Variants in RUNX3 observed in about 807,000 individuals in gnomAD.
RUNX3 encodes the protein runt-related transcription factor 3.
In RUNX3, 10 loss-of-function variants were observed where a neutral mutation model predicts 27.7. The observed-to-expected ratio is 0.36, with a 90% CI of 0.22 to 0.61. The LOEUF is 0.61. Ranked by LOEUF, RUNX3 falls within the 20% of genes least tolerant of loss-of-function variation. The pLI, the probability that RUNX3 is intolerant of heterozygous loss-of-function variation, is 0.72. For synonymous variants in RUNX3, 270 were observed against 269.2 expected (o/e 1.00, Z -0.03); for missense variants, 469 against 629.5 (o/e 0.75, Z 2.73).
upstream of RUNX3, among the ~76,000 whole-genome samples, chr1:24,934,888 A>T (rs1351350629): frequency 6.6e-6 from 1 of 152,134 alleles, no homozygotes; most frequent in East Asian, 1.9e-4. Flanking sequence ...CTGGGCTTGG[A>T]AATCAGTAAA....
At chr1:24,926,909 C>G (rs1450160668) in intron 2 of RUNX3, among the ~76,000 whole-genome samples, 1 of 152,118 alleles carries the variant, frequency 6.6e-6, no homozygotes, top group Non-Finnish European at 1.5e-5. Context: ...GTCCCAGAAG[C>G]CTCCCATTCA....
intron 2 of RUNX3, among the ~76,000 whole-genome samples, chr1:24,953,358 C>T (rs1343243600): frequency 3.4e-5 from 3 of 87,376 alleles, no homozygotes; most frequent in South Asian, 4.9e-4. Flanking sequence ...AGCCAGACTC[C>T]GTCTGAAAAA....
chr1:24,960,897 G>A (rs1642093162), intron 2 of RUNX3, among the ~76,000 whole-genome samples: 1 of 152,140 alleles, frequency 6.6e-6, no homozygotes, highest in Admixed American at 6.5e-5. Flanking sequence ...TGTCACACAG[G>A]GAGAATAAAT....
At chr1:24,938,304 A>C (rs1265657889) in intron 2 of RUNX3, among the ~76,000 whole-genome samples, 1 of 152,164 alleles carries the variant, frequency 6.6e-6, no homozygotes, top group Non-Finnish European at 1.5e-5. Flanking sequence ...AACATTCTAG[A>C]ATTCCATATT....
At chr1:24,936,458 A>C (rs1163203433) in intron 2 of RUNX3, among the ~76,000 whole-genome samples, 2 of 152,226 alleles carry the variant, frequency 1.3e-5, no homozygotes, top group Non-Finnish European at 2.9e-5. Flanking sequence ...GAATAGAATT[A>C]GAATCCTGGC....
At chr1:24,944,431 T>C (rs1301280432) in intron 2 of RUNX3, among the ~76,000 whole-genome samples, 1 of 152,162 alleles carries the variant, frequency 6.6e-6, no homozygotes, top group East Asian at 1.9e-4. Flanking sequence ...CCTTCTCTGG[T>C]CTCCTGTGGT....
chr1:24,960,123 C>T lies in RUNX3; in HGVS notation c.58+4391G>A, dbSNP rs561571709. On this transcript the variant is annotated intron_variant, in intron 2 of 6. Coordinates refer to the RUNX3 transcript ENST00000338888. ...TTCTTCTCCCAAAAAACCTTTGTCA[C>T]GCCCCAGGGCAATTTTCTGTTGACC... 4.9e-4 allele frequency among the ~76,000 whole-genome samples: 75 copies of T among 152,368 alleles called. 1 individual carries two copies. Among genetic ancestry groups the T allele is most frequent in the South Asian group, 1.7e-3 (8 of 4,834 alleles).
Position 24,927,283 on chromosome 1 carries a change from T to C in RUNX3, c.439+291A>G, listed in dbSNP as rs959703074. On this transcript the variant is annotated intron_variant, in intron 2 of 4. Transcript: ENST00000308873. This position sits in a 1 kb window ranked among gnomAD's most constrained non-coding sequence, Gnocchi z 5.0. ...ATCCACCATCTCCTGCCAGCATTTT[T>C]TGTGAGACCAGGTGTGCTTAACCGG... 6.6e-6 allele frequency among the ~76,000 whole-genome samples: 1 copy of C among 152,174 alleles called. No homozygotes were observed. The highest frequency in any genetic ancestry group is 2.4e-5 in the African/African-American group (1 of 41,434).
chr1:24,908,233 T>TGATCTAAACCTCTAC (rs1640720619), intron 3 of RUNX3, among the ~76,000 whole-genome samples: 1 of 72,518 alleles, frequency 1.4e-5, no homozygotes, highest in Non-Finnish European at 2.9e-5. Flanking sequence ...TGAACCTCTA[T>TGATCTAAACCTCTAC]GACACGCGGT....
At chr1:24,941,499 A>G (rs1054314127) in intron 2 of RUNX3, among the ~76,000 whole-genome samples, 1 of 152,236 alleles carries the variant, frequency 6.6e-6, no homozygotes, top group Non-Finnish European at 1.5e-5. Flanking sequence ...CAGTAGGACA[A>G]CGGAGGCATA....
intron 2 of RUNX3, among the ~76,000 whole-genome samples, chr1:24,957,273 G>A (rs1046406687): frequency 5.9e-5 from 9 of 152,224 alleles, no homozygotes; most frequent in African/African-American, 2.2e-4. Context: ...AGACAGTGAA[G>A]GGGGAAGTGA....
chr1:24,905,685 G>C (rs1470872599), intron 4 of RUNX3, among the ~76,000 whole-genome samples: 1 of 152,244 alleles, frequency 6.6e-6, no homozygotes, highest in Non-Finnish European at 1.5e-5. Context: ...ATGGGGGCTG[G>C]TGGACAGGAA....
At chr1:24,939,746 T>C (rs1329929422) in intron 2 of RUNX3, among the ~76,000 whole-genome samples, 2 of 152,234 alleles carry the variant, frequency 1.3e-5, no homozygotes, top group African/African-American at 2.4e-5. Context: ...CGCTCCCTCA[T>C]TGTTCGATGG....
chr1:24,930,006 A>T lies in RUNX3; in HGVS notation c.-138T>A. 8 of 1,107,740 alleles carry T rather than the reference A, an allele frequency of 7.2e-6. No individual in the cohort carries two copies. Among genetic ancestry groups the T allele is most frequent in the East Asian group, 5.0e-5 (1 of 20,064 alleles). 68.6% of individuals were successfully genotyped at this position (1,107,740 alleles called of 1,614,324 possible). On this transcript the variant is annotated 5_prime_UTR_variant, in exon 1 of 5. Coordinates refer to ENST00000308873, the MANE Select transcript of RUNX3 (RefSeq NM_004350.3). The surrounding 1 kb of genome is among the most constrained non-coding windows in gnomAD (Gnocchi z 4.1). Reference sequence around the variant, plus strand: ...CGGCGGGGCCCGGGCCTCAGGGCGCAGGGGGCGGCGCCCGGCCACTACTCG... The same window carrying T: ...CGGCGGGGCCCGGGCCTCAGGGCGCTGGGGGCGGCGCCCGGCCACTACTCG...
At chr1:24,912,327 T>C (rs568278001) in intron 3 of RUNX3, among the ~76,000 whole-genome samples, 193 of 152,330 alleles carry the variant, frequency 1.3e-3, no homozygotes, top group African/African-American at 4.4e-3. Context: ...GCAGGGCTGC[T>C]GGCCCCAGGG....
intron 1 of RUNX3, among the ~76,000 whole-genome samples, chr1:24,928,150 G>A (rs1641135966): frequency 6.6e-6 from 1 of 152,198 alleles, no homozygotes; most frequent in Non-Finnish European, 1.5e-5. Context: ...AATAACAACA[G>A]GGCTGCTACC....
chr1:24,919,190 C>G (rs768239216), intron 3 of RUNX3, 50 bp downstream of exon 3: 2 of 1,216,602 alleles, frequency 1.6e-6, no homozygotes, highest in Admixed American at 2.1e-5. Context: ...CCTTCCCGCA[C>G]TGGACCCTCC....
Position 24,952,566 on chromosome 1 carries a change from T to C in RUNX3, c.58+11948A>G, listed in dbSNP as rs548689478. Among the ~76,000 whole-genome samples the C allele has an allele frequency of 3.9e-5, 6 of 152,308 alleles. No homozygotes were observed. In the South Asian group the frequency reaches 1.2e-3, roughly 32 times the overall value. The stretch of plus-strand genomic sequence containing the variant: ...GAGATGCCACCCTCATTTCCTGCTT[T>C]CTAGGAAATGGCAAGGGGAGTCAGA... On this transcript the variant is annotated intron_variant, in intron 2 of 6. Coordinates refer to the RUNX3 transcript ENST00000338888.
chr1:24,939,783 C>A (rs1234774065), intron 2 of RUNX3, among the ~76,000 whole-genome samples: 1 of 152,232 alleles, frequency 6.6e-6, no homozygotes, highest in Non-Finnish European at 1.5e-5. Flanking sequence ...TCTTCCTGGT[C>A]CAGAGAAAGG....
Sources: gnomAD v4.1 joint callset for allele counts (sites outside exome capture counted in the v4.1 genomes callset) on GRCh38, gnomAD v4.1.1 for gene constraint, Gnocchi (gnomAD v3.1) non-coding constraint, MANE v1.5 for transcripts, NCBI Gene and HGNC (gene_info 2026-07-23, HGNC 2026-07-21) for gene names.